Variants in DCC observed in about 807,000 individuals in gnomAD.
DCC encodes the protein DCC netrin 1 receptor.
In DCC, 58 loss-of-function variants were observed where a neutral mutation model predicts 172.5. The observed-to-expected ratio is 0.34, with a 90% CI of 0.27 to 0.42. The LOEUF is 0.42. Among genes scored for constraint, DCC ranks in the 10% least tolerant of loss-of-function variants. The pLI, the probability that DCC is intolerant of heterozygous loss-of-function variation, is 1.00. For synonymous variants in DCC, 709 were observed against 644.5 expected, an observed-to-expected ratio of 1.10 and a Z score of -1.52; for missense variants, 1,740 against 1,791.0, an observed-to-expected ratio of 0.97 and a Z score of 0.51.
intron 12 of DCC, among the ~76,000 whole-genome samples, chr18:53,231,790 T>C (rs16956396): frequency 2.0e-3 from 306 of 152,264 alleles, no homozygotes; most frequent in African/African-American, 7.0e-3. Flanking sequence ...TTTATCAGTC[T>C]TCAGCCTCTT....
At chr18:53,060,015 T>G (rs1599082308) in intron 5 of DCC, among the ~76,000 whole-genome samples, 1 of 152,164 alleles carries the variant, frequency 6.6e-6, no homozygotes, top group South Asian at 2.1e-4. Context: ...ACTCATTTTT[T>G]TTTTTTAAGA....
rs1490354772 is a variant in DCC at position 52,472,730 on chromosome 18, G to C, written c.91+131852G>C. On this transcript the variant is annotated intron_variant, in intron 1 of 28. Coordinates refer to ENST00000442544, the MANE Select transcript of DCC (RefSeq NM_005215.4). ...CCAGCTTGGGCAGCAAAGCAAAACT[G>C]TGTCTCTACAAAAAACATTTAAAAA... 2.0e-5 allele frequency among the ~76,000 whole-genome samples: 3 copies of C among 152,022 alleles called. No individual in the cohort carries two copies. In the East Asian group the frequency reaches 5.8e-4, roughly 29 times the overall value.
intron 13 of DCC, among the ~76,000 whole-genome samples, chr18:53,316,904 T>C (rs189598925): frequency 4.3e-4 from 65 of 152,362 alleles, no homozygotes; most frequent in African/African-American, 1.5e-3. Context: ...AGAGACCATT[T>C]GACTTCCTTT....
At chr18:52,362,008 C>T (rs777252554) in intron 1 of DCC, among the ~76,000 whole-genome samples, 3 of 152,196 alleles carry the variant, frequency 2.0e-5, no homozygotes, top group Admixed American at 1.3e-4. Flanking sequence ...TCATCCATAC[C>T]TCTGAAGTCC....
intron 7 of DCC, among the ~76,000 whole-genome samples, chr18:53,101,661 C>A (rs1389830401): frequency 6.6e-6 from 1 of 151,968 alleles, no homozygotes; most frequent in East Asian, 1.9e-4. Flanking sequence ...GTTTGTTGTC[C>A]TTTCTTCTAC....
At chr18:52,796,989 A>G (rs985378474) in intron 2 of DCC, among the ~76,000 whole-genome samples, 1 of 150,464 alleles carries the variant, frequency 6.6e-6, no homozygotes, top group Non-Finnish European at 1.5e-5. Context: ...TACTGGTCAC[A>G]TAGGCTTTCT....
At chr18:52,560,254 T>C (rs1166833406) in intron 1 of DCC, among the ~76,000 whole-genome samples, 1 of 152,244 alleles carries the variant, frequency 6.6e-6, no homozygotes, top group African/African-American at 2.4e-5. Flanking sequence ...TAAATCAGTA[T>C]GTTTGTGTCA....
At chr18:53,285,327 C>G (rs1018277603) in intron 12 of DCC, among the ~76,000 whole-genome samples, 2 of 152,156 alleles carry the variant, frequency 1.3e-5, no homozygotes, top group Non-Finnish European at 2.9e-5. Flanking sequence ...TGTGTGCAGT[C>G]TAGGGACTTG....
chr18:52,460,674 A>G (rs867674544), intron 1 of DCC, among the ~76,000 whole-genome samples: 3 of 152,204 alleles, frequency 2.0e-5, no homozygotes, highest in Non-Finnish European at 4.4e-5. Context: ...TAGGCTACAC[A>G]TGTGTACAGC....
In DCC at chr18:53,351,407, A is replaced by ATATATATACACTGTG. The variant is rs1568075142; in HGVS notation, c.2359+11508_2359+11509insCACTGTGTATATATA. 5.1e-3 allele frequency among the ~76,000 whole-genome samples: 97 copies of ATATATATACACTGTG among 19,138 alleles called. 12 individuals carry two copies. The highest frequency in any genetic ancestry group is 7.6e-3 in the Non-Finnish European group (85 of 11,236). The allele number at this position is 19,138 out of a possible 152,430, so 12.6% of individuals were successfully genotyped here. A position where few individuals can be genotyped will look rare whatever the true frequency, so the allele number is the denominator to read the frequency against. On this transcript the variant is annotated intron_variant, in intron 15 of 28. Coordinates refer to ENST00000442544, the MANE Select transcript of DCC (RefSeq NM_005215.4). ...CAGTATATATATATACAGTGTATAT[A>ATATATATACACTGTG]TATATATATACACACTGTGTATATA...
chr18:53,066,033 T>A lies in DCC; in HGVS notation c.1141-13T>A. 6.2e-7 allele frequency: 1 copy of A among 1,612,646 alleles called. No individual in the cohort carries two copies. Among genetic ancestry groups the A allele is most frequent in the Non-Finnish European group, 8.5e-7 (1 of 1,179,052 alleles). ...CTTTCTAAAATACTTTACCTGCTTT[T>A]TCTTTTCCCTAGGGAGGAAGCAACT... is the stretch of plus-strand genomic sequence containing the variant. On this transcript the variant is annotated splice_polypyrimidine_tract_variant and intron_variant, in intron 6 of 28. Coordinates refer to ENST00000442544, the MANE Select transcript of DCC (RefSeq NM_005215.4).
chr18:52,741,650 T>C (rs180975250), intron 1 of DCC, among the ~76,000 whole-genome samples: 331 of 152,310 alleles, frequency 2.2e-3, no homozygotes, highest in African/African-American at 7.7e-3. Flanking sequence ...TCTGTAAATT[T>C]GACAGAGTTA....
chr18:52,373,887 CATTTTTTTT>C (rs988865184), intron 1 of DCC, among the ~76,000 whole-genome samples: 3 of 141,114 alleles, frequency 2.1e-5, no homozygotes, highest in African/African-American at 7.9e-5. Flanking sequence ...TTGGTTGCAT[CATTTTTTTT>C]TTTTTTTTTT....
chr18:53,164,054 G>T (rs939849519), intron 8 of DCC, among the ~76,000 whole-genome samples: 1 of 152,140 alleles, frequency 6.6e-6, no homozygotes, highest in Non-Finnish European at 1.5e-5. Context: ...TCCAAAGCAG[G>T]CACTCTCAAT....
chr18:53,236,830 TCCTCATTGAATTATTTAGTG>T (rs1235935987), intron 12 of DCC, among the ~76,000 whole-genome samples: 4 of 152,070 alleles, frequency 2.6e-5, no homozygotes, highest in African/African-American at 9.7e-5. Context: ...GAGTTCTCTT[TCCTCATTGAATTATTTAGTG>T]CCTTTCTTGA....
At chr18:52,645,036 T>C (rs1286600361) in intron 1 of DCC, among the ~76,000 whole-genome samples, 1 of 152,084 alleles carries the variant, frequency 6.6e-6, no homozygotes, top group Admixed American at 6.5e-5. Context: ...TTTGTTGCTG[T>C]TGTTTGTTCA....
intron 1 of DCC, among the ~76,000 whole-genome samples, chr18:52,572,235 A>G (rs2033316206): frequency 6.6e-6 from 1 of 152,212 alleles, no homozygotes; most frequent in Non-Finnish European, 1.5e-5. Flanking sequence ...ACAAGTGGGC[A>G]GCCAGATATA....
At chr18:53,222,379 T>C (rs1251296687) in intron 12 of DCC, among the ~76,000 whole-genome samples, 1 of 96,268 alleles carries the variant, frequency 1.0e-5, no homozygotes, top group African/African-American at 5.8e-5. Context: ...TCTTTTTCTT[T>C]TTTCTTTTTT....
At chr18:53,030,578 A>G (rs1228649889) in intron 5 of DCC, among the ~76,000 whole-genome samples, 1 of 152,108 alleles carries the variant, frequency 6.6e-6, no homozygotes, top group Non-Finnish European at 1.5e-5. Context: ...TCTCTGTGCT[A>G]TCTTGAGTAA....
Sources: gnomAD v4.1 joint callset for allele counts (sites outside exome capture counted in the v4.1 genomes callset) on GRCh38, gnomAD v4.1.1 for gene constraint, MANE v1.5 for transcripts, NCBI Gene and HGNC (gene_info 2026-07-23, HGNC 2026-07-21) for gene names.